CCDC171: variants seen among roughly 807,000 people sequenced by gnomAD.
CCDC171 encodes the protein coiled-coil domain-containing protein 171.
In CCDC171, 177 loss-of-function variants were observed where a neutral mutation model predicts 168.2. The ratio of observed to expected loss-of-function variants is 1.05; its 90% CI spans 0.93 to 1.19. CCDC171 has a LOEUF of 1.19. Ranked by LOEUF, CCDC171 falls within the 50% of genes most tolerant of loss-of-function variation. The pLI, the probability that CCDC171 is intolerant of heterozygous loss-of-function variation, is 0.00. For missense variants in CCDC171, 1,991 were observed against 1,539.0 expected (o/e 1.29, Z -4.91); for synonymous variants, 687 against 540.8 (o/e 1.27, Z -3.75).
At chr9:15,626,308 T>C (rs897614383) in intron 7 of CCDC171, among the ~76,000 whole-genome samples, 2 of 152,108 alleles carry the variant, frequency 1.3e-5, no homozygotes, top group Non-Finnish European at 2.9e-5. Flanking sequence ...CCTTTATTTC[T>C]TTCTCCTGCC....
intron 21 of CCDC171, among the ~76,000 whole-genome samples, chr9:15,812,838 G>A (rs75563314): frequency 1.3e-5 from 2 of 152,116 alleles, no homozygotes; most frequent in South Asian, 2.1e-4. Flanking sequence ...TGCGTTCCCT[G>A]TCCCCACTAA....
rs183825763 is a variant in CCDC171 at position 15,559,417 on chromosome 9, C to T, written c.-111-4561C>T. ...CTTGCTTTATGAATCTGGCTGCTCC[C>T]GTATTGGGTGCATATATATTTAGGA... On this transcript the variant is annotated intron_variant, in intron 1 of 25. Coordinates refer to ENST00000380701, the MANE Select transcript of CCDC171 (RefSeq NM_173550.4). Among the ~76,000 whole-genome samples the T allele has an allele frequency of 2.6e-3, 391 of 152,096 alleles. 2 individuals are homozygous for T. The highest frequency in any genetic ancestry group is 8.8e-3 in the African/African-American group (364 of 41,516).
At chr9:15,627,291 C>CA (rs2045229087) in intron 7 of CCDC171, among the ~76,000 whole-genome samples, 1 of 151,716 alleles carries the variant, frequency 6.6e-6, no homozygotes, top group Admixed American at 6.6e-5. Context: ...TGATTTTTTT[C>CA]AAGGGTTTTT....
At chr9:15,795,378 G>T (rs1428656804) in intron 21 of CCDC171, among the ~76,000 whole-genome samples, 1 of 152,144 alleles carries the variant, frequency 6.6e-6, no homozygotes, top group Non-Finnish European at 1.5e-5. Context: ...TTGCATTGGG[G>T]ATTAAGATTT....
At chr9:15,668,968 T>A (rs145041871) in intron 9 of CCDC171, among the ~76,000 whole-genome samples, 1,715 of 152,250 alleles carry the variant, frequency 0.011, 34 homozygotes, top group African/African-American at 0.039. Flanking sequence ...CTTACAACTT[T>A]GAGAATGTGG....
At chr9:15,709,048 G>A (rs746553169) in intron 11 of CCDC171, among the ~76,000 whole-genome samples, 1 of 151,976 alleles carries the variant, frequency 6.6e-6, no homozygotes, top group Non-Finnish European at 1.5e-5. Flanking sequence ...AACAGTACCT[G>A]GTACATTTAG....
intron 24 of CCDC171, chr9:15,886,098 G>T (rs555817974): frequency 3.9e-4 from 60 of 152,000 alleles, no homozygotes; most frequent in Non-Finnish European, 7.4e-4. Context: ...ATTGGACCTT[G>T]GTCTTACAAC....
At chr9:15,651,453 A>G (rs948548506) in intron 7 of CCDC171, among the ~76,000 whole-genome samples, 2 of 150,894 alleles carry the variant, frequency 1.3e-5, no homozygotes, top group African/African-American at 2.4e-5. Context: ...ACTTTTTTAT[A>G]GAGATTTTGC....
At chr9:15,792,088 G>A (rs2058298756) in intron 21 of CCDC171, among the ~76,000 whole-genome samples, 1 of 152,116 alleles carries the variant, frequency 6.6e-6, no homozygotes, top group Non-Finnish European at 1.5e-5. Context: ...AAGGTTAGAC[G>A]AATGGCTAAC....
intron 2 of CCDC171, among the ~76,000 whole-genome samples, chr9:15,564,928 A>T (rs2039603357): frequency 6.6e-6 from 1 of 152,118 alleles, no homozygotes; most frequent in Non-Finnish European, 1.5e-5. Context: ...ATCATCATGG[A>T]TGGGGTGAAG....
the CCDC171 span, among the ~76,000 whole-genome samples, chr9:16,094,918 C>T: frequency 1.3e-5 from 2 of 152,152 alleles, no homozygotes; most frequent in African/African-American, 2.4e-5. Context: ...GGCAGATTTC[C>T]CCGTTGCTGT....
intron 3 of CCDC171, among the ~76,000 whole-genome samples, chr9:16,015,902 C>T (rs1267848841): frequency 6.6e-6 from 1 of 152,172 alleles, no homozygotes; most frequent in African/African-American, 2.4e-5. Context: ...TTTCACTTAG[C>T]GTAATGTTTT....
At chr9:15,866,804 G>A (rs920600081) in intron 23 of CCDC171, among the ~76,000 whole-genome samples, 1 of 152,054 alleles carries the variant, frequency 6.6e-6, no homozygotes, top group Non-Finnish European at 1.5e-5. Flanking sequence ...AGAGTTTGAA[G>A]TCCTTGAGGG....
chr9:16,065,809 G>GGGGTGT (rs1554717490), downstream of CCDC171, among the ~76,000 whole-genome samples: 40 of 144,332 alleles, frequency 2.8e-4, no homozygotes, highest in African/African-American at 9.4e-4. Flanking sequence ...TTGTGTGCAT[G>GGGGTGT]GTGTGTGTGT....
At chr9:15,978,873 A>T (rs56260801), downstream of CCDC171, among the ~76,000 whole-genome samples, 11,600 of 152,208 alleles carry the variant, frequency 0.076, 1,453 homozygotes, top group African/African-American at 0.26. Flanking sequence ...AGGAGCTCTG[A>T]ACCCATTGGC....
the CCDC171 span, among the ~76,000 whole-genome samples, chr9:16,066,802 TA>T: frequency 8.0e-5 from 12 of 150,302 alleles, no homozygotes; most frequent in African/African-American, 2.9e-4. Context: ...CATCATTTTT[TA>T]TGGCTGCATA....
At chr9:15,700,163 C>G (rs1038814396) in intron 11 of CCDC171, among the ~76,000 whole-genome samples, 1 of 152,208 alleles carries the variant, frequency 6.6e-6, no homozygotes, top group Non-Finnish European at 1.5e-5. Flanking sequence ...GCATGGCGGG[C>G]TGCAGGTGCT....
intron 6 of CCDC171, among the ~76,000 whole-genome samples, chr9:16,024,965 C>G (rs888332348): frequency 1.3e-5 from 2 of 152,196 alleles, no homozygotes; most frequent in African/African-American, 4.8e-5. Flanking sequence ...AGACATGGGA[C>G]TTTCCATTTT....
intron 6 of CCDC171, among the ~76,000 whole-genome samples, chr9:15,596,957 G>A (rs1289904033): frequency 6.6e-6 from 1 of 152,044 alleles, no homozygotes; most frequent in Non-Finnish European, 1.5e-5. Flanking sequence ...GTCTGTTATT[G>A]GTGTATAAGA....
Sources: gnomAD v4.1 joint callset for allele counts (sites outside exome capture counted in the v4.1 genomes callset) on GRCh38, gnomAD v4.1.1 for gene constraint, MANE v1.5 for transcripts, NCBI Gene and HGNC (gene_info 2026-07-23, HGNC 2026-07-21) for gene names.